Variants in NPIPA1 observed in about 807,000 individuals in gnomAD.
NPIPA1 encodes the protein nuclear pore complex interacting protein family member A1.
For synonymous variants in NPIPA1, 7 were observed against 88.0 expected (o/e 0.08, Z 5.15); for missense variants, 22 against 232.2 (o/e 0.09, Z 5.88).
intron 2 of NPIPA1, among the ~76,000 whole-genome samples, chr16:14,944,606 ATTTT>A (rs1194738991): frequency 9.0e-6 from 1 of 110,964 alleles, no homozygotes; most frequent in African/African-American, 3.3e-5. Flanking sequence ...TATTCATGTC[ATTTT>A]TTTTTTTTTT....
At chr16:14,947,343 G>A (rs1371348504) in intron 4 of NPIPA1, among the ~76,000 whole-genome samples, 1 of 151,960 alleles carries the variant, frequency 6.6e-6, no homozygotes, top group African/African-American at 2.4e-5. Flanking sequence ...CGTACAGGCT[G>A]CAATTGAGGT....
At chr16:14,945,227 G>GCTGT (rs748459839) in intron 2 of NPIPA1, among the ~76,000 whole-genome samples, 1 of 137,748 alleles carries the variant, frequency 7.3e-6, no homozygotes, top group Non-Finnish European at 1.5e-5. Context: ...ATTCTTGTGT[G>GCTGT]GTGTGTGTGT....
At chr16:14,946,216 CCTTT>C (rs1412750540) in intron 4 of NPIPA1, among the ~76,000 whole-genome samples, 1 of 106,830 alleles carries the variant, frequency 9.4e-6, no homozygotes, top group Non-Finnish European at 1.8e-5. Flanking sequence ...CATTGGTTTT[CCTTT>C]CTCTCTCTCT....
chr16:14,944,888 G>C (rs1314029651), intron 2 of NPIPA1, among the ~76,000 whole-genome samples: 392 of 151,208 alleles, frequency 2.6e-3, no homozygotes, highest in Non-Finnish European at 3.3e-3. Flanking sequence ...ACAGGCGTGA[G>C]CTACCGCACC....
chr16:14,938,519 G>A (rs536036256), intron 1 of NPIPA1, among the ~76,000 whole-genome samples: 273 of 144,086 alleles, frequency 1.9e-3, no homozygotes, highest in African/African-American at 6.7e-3. Context: ...GCATCATAGC[G>A]AAACCCCATC....
At chr16:14,938,777 C>T (rs1263092706) in intron 1 of NPIPA1, among the ~76,000 whole-genome samples, 5 of 151,888 alleles carry the variant, frequency 3.3e-5, no homozygotes, top group Admixed American at 6.6e-5. Context: ...CTCATTCTGT[C>T]GCCCAGGCTG....
At chr16:14,941,132 A>G (rs1406037476) in intron 1 of NPIPA1, among the ~76,000 whole-genome samples, 1 of 151,086 alleles carries the variant, frequency 6.6e-6, no homozygotes, top group Admixed American at 6.6e-5. Flanking sequence ...CATCTCAAAA[A>G]CAACAAACAA....
chr16:14,945,237 T>C (rs1184524682), intron 2 of NPIPA1, among the ~76,000 whole-genome samples: 479 of 146,114 alleles, frequency 3.3e-3, no homozygotes, highest in Admixed American at 8.7e-3. Flanking sequence ...GGTGTGTGTG[T>C]GTGTGTGTGT....
At chr16:14,946,423 T>C (rs1300303550) in intron 4 of NPIPA1, among the ~76,000 whole-genome samples, 1 of 150,012 alleles carries the variant, frequency 6.7e-6, no homozygotes, top group Non-Finnish European at 1.5e-5. Flanking sequence ...GGTTTCACCA[T>C]GTTGTCCAGA....
chr16:14,938,824 C>T (rs1480663609), intron 1 of NPIPA1, among the ~76,000 whole-genome samples: 12 of 151,640 alleles, frequency 7.9e-5, no homozygotes, highest in African/African-American at 1.2e-4. Flanking sequence ...CTGCAACCTC[C>T]GCTTCCGGGG....
At chr16:14,947,362 C>T (rs1457788443) in intron 4 of NPIPA1, among the ~76,000 whole-genome samples, 4 of 151,848 alleles carry the variant, frequency 2.6e-5, no homozygotes, top group African/African-American at 9.7e-5. Flanking sequence ...GTCGTCTCTG[C>T]AGGCTCAGTC....
At chr16:14,941,531 T>C (rs2151076876) in intron 1 of NPIPA1, 1 of 154,800 alleles carries the variant, frequency 6.5e-6, no homozygotes, top group South Asian at 1.5e-4. Context: ...ACTTTGCTTC[T>C]TTTAATATAG....
chr16:14,941,397 T>C (rs1597171757), intron 1 of NPIPA1: 3 of 186,214 alleles, frequency 1.6e-5, no homozygotes, highest in Non-Finnish European at 3.1e-5. Context: ...ATTGCACCAC[T>C]GCACTCCAGC....
chr16:14,941,529 TC>T (rs1247810021), intron 1 of NPIPA1: 1 of 158,368 alleles, frequency 6.3e-6, no homozygotes, highest in Non-Finnish European at 1.2e-5. Context: ...CAACTTTGCT[TC>T]TTTTAATATA....
Position 14,951,720 on chromosome 16 carries a change from C to G in NPIPA1, c.748C>G (p.Pro250Ala). Residue 250 changes from proline to alanine, a missense_variant, in exon 8 of 8, where the codon CCA becomes GCA. By Grantham distance (27) the Pro-to-Ala change is conservative. Coordinates refer to ENST00000328085, the MANE Select transcript of NPIPA1 (RefSeq NM_006985.4). ...CAGGATGGGCCACCAGCCACCTCCT[C>G]CAACTCAACAACATTCTATAATTGA... ...KNRMGHQPPP[P>A]TQQHSIIDNS... 1 of 1,541,472 alleles carries G rather than the reference C, an allele frequency of 6.5e-7. No individual in the cohort carries two copies. The highest frequency in any genetic ancestry group is 1.8e-5 in the Admixed American group (1 of 55,460).
At chr16:14,946,502 G>T (rs1445267650) in intron 4 of NPIPA1, among the ~76,000 whole-genome samples, 1 of 151,390 alleles carries the variant, frequency 6.6e-6, no homozygotes. Flanking sequence ...GATTAGAGGC[G>T]TGAGCCACCA....
intron 1 of NPIPA1, among the ~76,000 whole-genome samples, chr16:14,939,002 G>A (rs1251787439): frequency 4.3e-5 from 6 of 140,482 alleles, no homozygotes; most frequent in East Asian, 2.6e-4. Context: ...GATTACAGGC[G>A]TGAGCCACCG....
In NPIPA1 at chr16:14,938,282, C is replaced by T. The variant is rs1338048005; in HGVS notation, c.63+777C>T. 3.5e-6 allele frequency: 5 copies of T among 1,409,746 alleles called. No homozygotes were observed. In the African/African-American group the frequency reaches 7.4e-5, roughly 21 times the overall value. The allele number at this position is 1,409,746 out of a possible 1,614,324, so 87.3% of individuals were successfully genotyped here. A position where few individuals can be genotyped will look rare whatever the true frequency, so the allele number is the denominator to read the frequency against. On this transcript the variant is annotated intron_variant, in intron 1 of 7. Transcript: ENST00000328085. ...CTGCTGGGATTTATCAGCCATCAGTCCACCTGTGTGAGTAGATGGGTGCTG... is the reference window on the plus strand; with the variant it reads ...CTGCTGGGATTTATCAGCCATCAGTTCACCTGTGTGAGTAGATGGGTGCTG...
chr16:14,947,652 G>A (rs1965924034), intron 4 of NPIPA1, among the ~76,000 whole-genome samples: 1 of 151,568 alleles, frequency 6.6e-6, no homozygotes, highest in African/African-American at 2.4e-5. Flanking sequence ...TTCACCTCAT[G>A]TCTGTTTACT....
Sources: allele counts gnomAD v4.1 joint callset (sites outside exome capture counted in the v4.1 genomes callset), GRCh38; gene constraint gnomAD v4.1.1; transcripts MANE v1.5; gene names NCBI Gene and HGNC (gene_info 2026-07-23, HGNC 2026-07-21).